Variants in PCDH11X observed in about 807,000 individuals in gnomAD.
The protein encoded by PCDH11X is protocadherin 11 X-linked, also known as protocadherin-11 X-linked.
In PCDH11X, 18 loss-of-function variants were observed where a neutral mutation model predicts 53.3. The observed-to-expected ratio is 0.34, with a 90% CI of 0.23 to 0.50. The LOEUF (loss-of-function observed/expected upper bound fraction) is 0.50, where lower values mean the gene tolerates loss of function less well. Among genes scored for constraint, PCDH11X ranks in the 20% least tolerant of loss-of-function variants. The pLI is 0.98. For missense variants in PCDH11X, 570 were observed against 1,032.4 expected, an observed-to-expected ratio of 0.55 and a Z score of 6.14; for synonymous variants, 279 against 393.3, an observed-to-expected ratio of 0.71 and a Z score of 3.44.
intron 6 of PCDH11X, among the ~76,000 whole-genome samples, chrX:92,089,864 A>G (rs2064020981): frequency 1.9e-5 from 2 of 108,017 alleles, no homozygotes; most frequent in South Asian, 8.1e-4. Context: ...TTAGAAGGAA[A>G]TCTCCATTGC....
chrX:92,355,487 G>A (rs1479073752), intron 8 of PCDH11X, among the ~76,000 whole-genome samples: 2 of 83,897 alleles, frequency 2.4e-5, no homozygotes, highest in African/African-American at 9.4e-5. Flanking sequence ...TAAAAGTAAC[G>A]CAAAACCAAA....
At chrX:92,566,079 T>G (rs1921438277) in intron 10 of PCDH11X, among the ~76,000 whole-genome samples, 1 of 110,209 alleles carries the variant, frequency 9.1e-6, no homozygotes, top group African/African-American at 3.3e-5. Context: ...TCAACAGGAT[T>G]TCACAGGAAA....
At chrX:91,932,150 GGACGTGATGTCAT>G (rs2061393561) in intron 6 of PCDH11X, among the ~76,000 whole-genome samples, 1 of 106,442 alleles carries the variant, frequency 9.4e-6, no homozygotes, top group African/African-American at 3.6e-5. Context: ...TCCCTGCAAA[GGACGTGATGTCAT>G]GTTTTTTTTT....
chrX:92,522,589 G>A (rs2074386397), intron 10 of PCDH11X, among the ~76,000 whole-genome samples: 2 of 111,693 alleles, frequency 1.8e-5, no homozygotes. Context: ...GGTTGCCACA[G>A]ATCTTCAATA....
chrX:92,596,178 T>C (rs1295911647), intron 10 of PCDH11X, among the ~76,000 whole-genome samples: 1 of 112,370 alleles, frequency 8.9e-6, no homozygotes, highest in African/African-American at 3.2e-5. Context: ...GAACTGTGGG[T>C]GAGAATATTA....
At chrX:91,875,793 C>T (rs1442544090) in intron 5 of PCDH11X, among the ~76,000 whole-genome samples, 1 of 108,749 alleles carries the variant, frequency 9.2e-6, no homozygotes, top group African/African-American at 3.3e-5. Context: ...ACTGTGTGTT[C>T]CTATGGGAAA....
chrX:91,956,511 A>G (rs1450185933), intron 6 of PCDH11X, among the ~76,000 whole-genome samples: 1 of 109,040 alleles, frequency 9.2e-6, no homozygotes. Flanking sequence ...TTCACTTACG[A>G]AATGTAGTTT....
intron 10 of PCDH11X, among the ~76,000 whole-genome samples, chrX:92,609,349 T>C (rs72608348): frequency 0.24 from 26,844 of 110,819 alleles, 2,614 homozygotes; most frequent in African/African-American, 0.33. Flanking sequence ...CTAAATTCCC[T>C]GTGCCATTCT....
intron 6 of PCDH11X, among the ~76,000 whole-genome samples, chrX:92,084,882 C>T (rs1345446167): frequency 9.1e-6 from 1 of 110,297 alleles, no homozygotes; most frequent in African/African-American, 3.3e-5. Context: ...CAGTCTGAGT[C>T]AATTATTCAT....
At chrX:91,881,817 G>C (rs1408975168) in intron 6 of PCDH11X, among the ~76,000 whole-genome samples, 2 of 109,935 alleles carry the variant, frequency 1.8e-5, no homozygotes, top group Non-Finnish European at 3.8e-5. Flanking sequence ...GAAATACTTA[G>C]AGTGGAATAA....
At chrX:92,111,780 C>CA (rs1480819867) in intron 6 of PCDH11X, among the ~76,000 whole-genome samples, 2 of 109,485 alleles carry the variant, frequency 1.8e-5, no homozygotes, top group Admixed American at 1.9e-4. Flanking sequence ...TTATCTGAGA[C>CA]AGAGTCTCAC....
intron 5 of PCDH11X, among the ~76,000 whole-genome samples, chrX:91,849,180 A>G (rs1237856310): frequency 8.9e-6 from 1 of 112,011 alleles, no homozygotes; most frequent in Non-Finnish European, 1.9e-5. Flanking sequence ...TTAATAATCT[A>G]ATGTTTTACT....
At chrX:92,000,721 G>GC (rs2062495453) in intron 6 of PCDH11X, among the ~76,000 whole-genome samples, 1 of 102,849 alleles carries the variant, frequency 9.7e-6, no homozygotes, top group African/African-American at 3.5e-5. Context: ...CCTCACCCAA[G>GC]CCCCCCATTA....
At chrX:92,363,952 A>T (rs2755018) in intron 8 of PCDH11X, among the ~76,000 whole-genome samples, 5 of 110,514 alleles carry the variant, frequency 4.5e-5, no homozygotes, top group African/African-American at 1.6e-4. Flanking sequence ...TAGGTGGTAT[A>T]GTACAGTCAT....
chrX:91,785,543 A>G (rs1238833284), intron 1 of PCDH11X, among the ~76,000 whole-genome samples: 1 of 112,462 alleles, frequency 8.9e-6, no homozygotes, highest in East Asian at 2.8e-4. Flanking sequence ...TACGCTGTAA[A>G]AATACATTTT....
At chrX:92,288,763 T>A in intron 8 of PCDH11X, among the ~76,000 whole-genome samples, 1 of 110,161 alleles carries the variant, frequency 9.1e-6, no homozygotes, top group Non-Finnish European at 1.9e-5. Context: ...TTGATGTGGT[T>A]TTTTTCAAAA....
At chrX:92,145,294 T>C (rs1435381936) in intron 6 of PCDH11X, among the ~76,000 whole-genome samples, 1 of 111,758 alleles carries the variant, frequency 8.9e-6, no homozygotes, top group East Asian at 2.8e-4. Flanking sequence ...TTGGTGAATA[T>C]TTATGAGCCC....
chrX:91,993,050 T>C (rs746974879), intron 6 of PCDH11X, among the ~76,000 whole-genome samples: 1 of 111,413 alleles, frequency 9.0e-6, no homozygotes, highest in Non-Finnish European at 1.9e-5. Flanking sequence ...GCCTTGGAAA[T>C]ACAAGAGTGA....
chrX:92,396,772 G>C (rs1317844440), intron 9 of PCDH11X, among the ~76,000 whole-genome samples: 3 of 92,541 alleles, frequency 3.2e-5, no homozygotes, highest in African/African-American at 1.3e-4. Flanking sequence ...GAACCTGAGA[G>C]GGGGAGATTG....
Sources: allele counts gnomAD v4.1 joint callset (sites outside exome capture counted in the v4.1 genomes callset), GRCh38; gene constraint gnomAD v4.1.1; transcripts MANE v1.5; gene names NCBI Gene and HGNC (gene_info 2026-07-23, HGNC 2026-07-21).